The following HMCN1 variants were observed in gnomAD, a reference collection of about 807,000 sequenced individuals.
HMCN1 encodes the protein hemicentin-1.
HMCN1 carries 321 observed loss-of-function variants against 625.9 expected under a neutral mutation model. That is an observed-to-expected ratio of 0.51 (90% CI 0.47 to 0.56). The LOEUF (loss-of-function observed/expected upper bound fraction) is 0.56. Ranked by LOEUF, HMCN1 falls within the 20% of genes least tolerant of loss-of-function variation. The pLI is 0.00. For synonymous variants in HMCN1, 2,425 were observed against 2,417.6 expected, an observed-to-expected ratio of 1.00 and a Z score of -0.09; for missense variants, 6,588 against 6,887.3, an observed-to-expected ratio of 0.96 and a Z score of 1.54.
At chr1:185,837,979 C>A (rs2102302791) in intron 1 of HMCN1, among the ~76,000 whole-genome samples, 1 of 152,234 alleles carries the variant, frequency 6.6e-6, no homozygotes, top group East Asian at 1.9e-4. Flanking sequence ...GTAAATTAAG[C>A]CAGACTTCAG....
At chr1:185,855,275 G>C (rs1324332353) in intron 2 of HMCN1, among the ~76,000 whole-genome samples, 2 of 152,146 alleles carry the variant, frequency 1.3e-5, no homozygotes, top group African/African-American at 4.8e-5. Context: ...AATTTTGAAG[G>C]TCACAATAAA....
chr1:185,858,582 G>A (rs1662630079), intron 2 of HMCN1, among the ~76,000 whole-genome samples: 1 of 65,322 alleles, frequency 1.5e-5, no homozygotes, highest in South Asian at 6.6e-4. Context: ...ACCACACCCA[G>A]CTAATTTTTT....
chr1:185,986,433 C>T (rs774766183), intron 19 of HMCN1, among the ~76,000 whole-genome samples: 1 of 152,096 alleles, frequency 6.6e-6, no homozygotes, highest in Admixed American at 6.5e-5. Flanking sequence ...ATAGATTGGG[C>T]TTTTATTGTC....
intron 29 of HMCN1, among the ~76,000 whole-genome samples, chr1:186,005,676 G>A (rs945615241): frequency 2.0e-5 from 3 of 152,076 alleles, no homozygotes; most frequent in Admixed American, 1.3e-4. Context: ...ATAAAGAGAA[G>A]TCTGGAAAGC....
At chr1:186,034,762 T>C (rs1655710270) in intron 36 of HMCN1, among the ~76,000 whole-genome samples, 1 of 152,222 alleles carries the variant, frequency 6.6e-6, no homozygotes, top group Non-Finnish European at 1.5e-5. Context: ...TTTTAATAAA[T>C]ACTTTTTGGA....
intron 1 of HMCN1, among the ~76,000 whole-genome samples, chr1:185,827,835 T>C (rs2102282144): frequency 6.6e-6 from 1 of 152,100 alleles, no homozygotes; most frequent in African/African-American, 2.4e-5. Context: ...AATTCAGAGA[T>C]AATGAAAGAC....
rs781063813 is a variant in HMCN1, at chr1:185,734,735, A to G, written c.-45A>G. ...CCTGTTGTTGAGGAGGACTGAGCAC[A>G]GTGCTTAGGCGCTGAGGGGGAAAAA... On this transcript the variant is annotated 5_prime_UTR_variant, in exon 1 of 107. Transcript: ENST00000271588. 6.2e-7 allele frequency: 1 copy of G among 1,602,616 alleles called. No homozygotes were observed. The highest frequency in any genetic ancestry group is 8.5e-7 in the Non-Finnish European group (1 of 1,170,822).
chr1:186,169,800 G>A (rs1363956827), intron 100 of HMCN1, among the ~76,000 whole-genome samples: 1 of 152,100 alleles, frequency 6.6e-6, no homozygotes. Context: ...GACACCAAAA[G>A]CAATGGCAAC....
chr1:186,161,555 G>T (rs1241006838), intron 97 of HMCN1, among the ~76,000 whole-genome samples: 3 of 151,858 alleles, frequency 2.0e-5, no homozygotes, highest in Admixed American at 1.3e-4. Context: ...GCAGCAGCTG[G>T]TACCAGTTGT....
intron 70 of HMCN1, 42 bp from the exon 71 acceptor site, chr1:186,108,419 G>A (rs760470989): frequency 1.2e-6 from 2 of 1,613,762 alleles, no homozygotes; most frequent in Non-Finnish European, 1.7e-6. Flanking sequence ...GGATACCTAT[G>A]ATAATACAGA....
intron 37 of HMCN1, among the ~76,000 whole-genome samples, chr1:186,038,488 G>T (rs761420477): frequency 1.3e-5 from 2 of 152,036 alleles, no homozygotes; most frequent in Non-Finnish European, 2.9e-5. Context: ...GATGGTATTT[G>T]GTTTGATTAG....
intron 40 of HMCN1, among the ~76,000 whole-genome samples, chr1:186,043,673 A>T (rs1270222343): frequency 6.6e-6 from 1 of 152,138 alleles, no homozygotes; most frequent in Non-Finnish European, 1.5e-5. Flanking sequence ...AATGAGGCCA[A>T]ACTTTACCTA....
chr1:185,828,701 A>G (rs1197816197), intron 1 of HMCN1, among the ~76,000 whole-genome samples: 1 of 152,162 alleles, frequency 6.6e-6, no homozygotes, highest in Non-Finnish European at 1.5e-5. Flanking sequence ...AAATAAAACT[A>G]GAAATTAATA....
chr1:185,740,158 CTGAG>C (rs1424686023), intron 1 of HMCN1, among the ~76,000 whole-genome samples: 1 of 152,138 alleles, frequency 6.6e-6, no homozygotes, highest in Non-Finnish European at 1.5e-5. Flanking sequence ...GGCTTTTACT[CTGAG>C]TGAGATGGGT....
chr1:186,112,267 C>G (rs940541943), intron 71 of HMCN1, among the ~76,000 whole-genome samples: 1 of 152,038 alleles, frequency 6.6e-6, no homozygotes. Flanking sequence ...TTGTAAGTGA[C>G]AGAATTCAAA....
At position 185,791,032 on chromosome 1, in the gene HMCN1, T is replaced by A. The variant is rs180714384; in HGVS notation, c.269-54994T>A. 7.2e-4 allele frequency among the ~76,000 whole-genome samples: 109 copies of A among 152,314 alleles called. 1 individual carries two copies. The highest frequency in any genetic ancestry group is 3.1e-4 in the Non-Finnish European group (21 of 68,024). On this transcript the variant is annotated intron_variant, in intron 1 of 106. Coordinates refer to ENST00000271588, the MANE Select transcript of HMCN1 (RefSeq NM_031935.3). ...CTTCACTTCCAGGCCTCTAACTTTATTGATGTGGAACTGTTGTACCTAAAA... is the reference window on the plus strand; with the variant it reads ...CTTCACTTCCAGGCCTCTAACTTTAATGATGTGGAACTGTTGTACCTAAAA...
intron 20 of HMCN1, among the ~76,000 whole-genome samples, chr1:185,987,975 G>A (rs1173497592): frequency 4.6e-5 from 7 of 152,142 alleles, no homozygotes; most frequent in South Asian, 2.1e-4. Flanking sequence ...GATGTGGCAC[G>A]GGGTAAAAAA....
At chr1:186,120,564 G>A (rs1369506087) in intron 80 of HMCN1, among the ~76,000 whole-genome samples, 4 of 152,132 alleles carry the variant, frequency 2.6e-5, no homozygotes. Flanking sequence ...AGAAAGCAGG[G>A]TATTTTTGTG....
In HMCN1 at chr1:186,130,250, A is replaced by G. The variant is rs1661859370; in HGVS notation, c.13039+150A>G. The G allele has an allele frequency of 1.4e-5, 16 of 1,114,476 alleles. No individual in the cohort carries two copies. In the South Asian group the frequency reaches 2.4e-4, roughly 17 times the overall value. 69.0% of individuals were successfully genotyped at this position (1,114,476 alleles called of 1,614,324 possible). On this transcript the variant is annotated intron_variant, in intron 84 of 106. Coordinates refer to ENST00000271588, the MANE Select transcript of HMCN1 (RefSeq NM_031935.3). Reference sequence around the variant, plus strand: ...AGATGTACAAATTCATGAGAAAAAAATTATGAACATTCAACTCAAAAGTAG... The same window carrying G: ...AGATGTACAAATTCATGAGAAAAAAGTTATGAACATTCAACTCAAAAGTAG...
Sources: allele counts gnomAD v4.1 joint callset (sites outside exome capture counted in the v4.1 genomes callset), GRCh38; gene constraint gnomAD v4.1.1; transcripts MANE v1.5; gene names NCBI Gene and HGNC (gene_info 2026-07-23, HGNC 2026-07-21).